PTPRB: variants seen among roughly 807,000 people sequenced by gnomAD.
PTPRB encodes receptor-type tyrosine-protein phosphatase beta.
In PTPRB, 97 loss-of-function variants were observed where a neutral mutation model predicts 238.1. The observed-to-expected ratio is 0.41, with a 90% CI of 0.35 to 0.48. PTPRB has a LOEUF of 0.48. Ranked by LOEUF, PTPRB falls within the 20% of genes least tolerant of loss-of-function variation. The probability of loss-of-function intolerance (pLI) is 0.30; values close to 1 mark genes in which losing one functional copy is unlikely to be tolerated. For missense variants in PTPRB, 2,292 were observed against 2,681.9 expected, an observed-to-expected ratio of 0.85 and a Z score of 3.21; for synonymous variants, 970 against 995.4, an observed-to-expected ratio of 0.97 and a Z score of 0.48.
chr12:70,585,048 C>A (rs1241494810), intron 9 of PTPRB: 1 of 151,114 alleles, frequency 6.6e-6, no homozygotes, highest in Non-Finnish European at 1.5e-5. Flanking sequence ...GCAACCTCCA[C>A]CTCCTGGGTT....
intron 3 of PTPRB, among the ~76,000 whole-genome samples, chr12:70,610,809 A>C (rs1174362615): frequency 1.3e-5 from 2 of 152,098 alleles, no homozygotes; most frequent in African/African-American, 4.8e-5. Flanking sequence ...TTTCATCCCT[A>C]ATTGTCCAGC....
rs960479676 is a variant in PTPRB at position 70,622,595 on chromosome 12, G to T, written c.503C>A (p.Pro168His). ...TGCATTAAAGGTAGTGAGAATCTGG[G>T]GTGGAGCCGTGTTTCTAGTGCTCCT... The part of the protein sequence containing the change: ...SVRSTRNTAP[P>H]QILTTFNAVP... Residue 168 changes from proline to histidine, a missense_variant, in exon 3 of 34, where the codon CCC (proline) becomes CAC (histidine). Transcript: ENST00000334414. 1.3e-6 allele frequency: 2 copies of T among 1,589,610 alleles called. No homozygotes were observed. Among genetic ancestry groups the T allele is most frequent in the African/African-American group, 2.7e-5 (2 of 74,502 alleles).
At chr12:70,541,202 G>T in intron 22 of PTPRB, 1 of 369,298 alleles carries the variant, frequency 2.7e-6, no homozygotes, top group Non-Finnish European at 4.9e-6. Flanking sequence ...AGTTAATGTT[G>T]CATAGCTTAT....
At chr12:70,564,911 G>A (rs1000295905) in intron 15 of PTPRB, among the ~76,000 whole-genome samples, 1 of 150,226 alleles carries the variant, frequency 6.7e-6, no homozygotes, top group Non-Finnish European at 1.5e-5. Context: ...AAAATTGTAA[G>A]CCCCAACTCT....
At chr12:70,581,448 G>A in intron 9 of PTPRB, 146 bp from the exon 10 acceptor site, 1 of 878,248 alleles carries the variant, frequency 1.1e-6, no homozygotes, top group Non-Finnish European at 1.7e-6. Context: ...TCTATTTCCT[G>A]TGGCATATGG....
chr12:70,524,747 T>C (rs1872087903), intron 32 of PTPRB, among the ~76,000 whole-genome samples, 156 bp from the exon 33 acceptor site: 1 of 152,152 alleles, frequency 6.6e-6, no homozygotes, highest in East Asian at 1.9e-4. Flanking sequence ...AGAGTGACTG[T>C]CTTTTATTAC....
chr12:70,604,289 T>C (rs1883764544), intron 4 of PTPRB, among the ~76,000 whole-genome samples: 1 of 152,014 alleles, frequency 6.6e-6, no homozygotes, highest in African/African-American at 2.4e-5. Flanking sequence ...ACAAAACAAA[T>C]ACTAGAGTAC....
chr12:70,517,781 T>A lies in PTPRB; in HGVS notation c.*3708A>T, dbSNP rs1207192134. 1 of 152,212 alleles carries A rather than the reference T, an allele frequency of 6.6e-6. No individual in the cohort carries two copies. Among genetic ancestry groups the A allele is most frequent in the Non-Finnish European group, 1.5e-5 (1 of 68,038 alleles). 9.4% of individuals were successfully genotyped at this position (152,212 alleles called of 1,614,324 possible). The stretch of plus-strand genomic sequence containing the variant: ...CGTCTCAGAGTTTGGGCTCAGATAC[T>A]ACCACTGCTGTTGTGCAGATCTGGT... On this transcript the variant is annotated 3_prime_UTR_variant, in exon 34 of 34. Coordinates refer to ENST00000334414, the MANE Select transcript of PTPRB (RefSeq NM_001109754.4).
At chr12:70,532,384 A>C (rs1592400418) in intron 31 of PTPRB, among the ~76,000 whole-genome samples, 3 of 88,704 alleles carry the variant, frequency 3.4e-5, no homozygotes, top group Admixed American at 1.7e-4. Context: ...TCCCTCCTCC[A>C]CTCTACCAGG....
At position 70,539,942 on chromosome 12, in the gene PTPRB, T is replaced by C; in HGVS notation, c.5675A>G (p.Lys1892Arg). ...PLSVHLNLGQ[K>R]GNRKTSCPIK... ...CGAAGGCAAATGTGGTGCTTACCCT[T>C]TCTGGCCCAGGTTTAAGTGGACAGA... Residue 1892 changes from lysine to arginine, a missense_variant, in exon 24 of 34, where the codon AAA becomes AGA. Physicochemically the swap from Lys to Arg is conservative, Grantham distance 26. This residue lies in a region of PTPRB where 397 missense variants were observed against 502.0 expected (regional missense o/e 0.79). Transcript: ENST00000334414. 1 of 1,608,470 alleles carries C rather than the reference T, an allele frequency of 6.2e-7. No homozygotes were observed. The highest frequency in any genetic ancestry group is 8.5e-7 in the Non-Finnish European group (1 of 1,174,868).
intron 6 of PTPRB, among the ~76,000 whole-genome samples, chr12:70,593,081 TA>T (rs1221766258): frequency 6.6e-6 from 1 of 152,262 alleles, no homozygotes; most frequent in Non-Finnish European, 1.5e-5. Flanking sequence ...TTTTATGTGA[TA>T]AAACTACTTT....
At chr12:70,591,133 C>T (rs576271060) in intron 7 of PTPRB, among the ~76,000 whole-genome samples, 1 of 148,250 alleles carries the variant, frequency 6.7e-6, no homozygotes, top group Admixed American at 6.8e-5. Flanking sequence ...GACGAGGTCT[C>T]ATTATGTTGC....
At position 70,590,147 on chromosome 12, in the gene PTPRB, A is replaced by G; in HGVS notation, c.1867T>C (p.Trp623Arg). The G allele has an allele frequency of 6.2e-7, 1 of 1,613,558 alleles. No individual in the cohort carries two copies. The highest frequency in any genetic ancestry group is 8.5e-7 in the Non-Finnish European group (1 of 1,179,676). Residue 623 changes from tryptophan (W) to arginine (R), a missense_variant, in exon 8 of 34, where the codon TGG becomes CGG. This residue lies in a region of PTPRB where 1,205 missense variants were observed against 1,287.8 expected (regional missense o/e 0.94). Coordinates refer to ENST00000334414, the MANE Select transcript of PTPRB (RefSeq NM_001109754.4). ...VVSWSPPAGD[W>R]EQYRILLFND... ...AAGAGTAGGATCCGATACTGCTCCC[A>G]GTCTCCAGCAGGGGGCGACCAGCTC...
intron 21 of PTPRB, among the ~76,000 whole-genome samples, chr12:70,552,017 G>T (rs2136296788): frequency 6.6e-6 from 1 of 152,288 alleles, no homozygotes; most frequent in East Asian, 1.9e-4. Flanking sequence ...CTGGAGCAAA[G>T]AGCGCTTCCA....
At chr12:70,636,158 A>G (rs1885680124) in intron 1 of PTPRB, 92 bp from the exon 2 acceptor site, 18 of 1,224,724 alleles carry the variant, frequency 1.5e-5, no homozygotes, top group Non-Finnish European at 2.0e-5. Context: ...GCTAAATAAA[A>G]TCACTAGTTT....
At chr12:70,598,538 T>TGTA (rs1375572932) in intron 4 of PTPRB, among the ~76,000 whole-genome samples, 1 of 147,834 alleles carries the variant, frequency 6.8e-6, no homozygotes, top group Non-Finnish European at 1.5e-5. Flanking sequence ...ATCTGGGGAG[T>TGTA]ATAATAATAA....
Position 70,563,048 on chromosome 12 carries a change from G to A in PTPRB, c.3964C>T (p.Arg1322Cys), listed in dbSNP as rs370011504. The change falls in exon 16 of 34, where the codon CGC becomes TGC. Residue 1322 changes from arginine (R) to cysteine (C), a missense_variant. Arg to Cys is a radical substitution (Grantham distance 180). This residue lies in a region of PTPRB where 683 missense variants were observed against 862.0 expected (regional missense o/e 0.79). Transcript: ENST00000334414. The part of the protein sequence containing the change: ...TENSTRHLSF[R>C]WTASEGELSW... The stretch of plus-strand genomic sequence containing the variant: ...AGCTCCCCCTCTGAGGCGGTCCAGC[G>A]GAAGGACAGGTGCCTGGTGGAGTTC... 7.5e-5 allele frequency: 121 copies of A among 1,613,768 alleles called. No homozygotes were observed. Among genetic ancestry groups the A allele is most frequent in the African/African-American group, 6.5e-4 (49 of 75,016 alleles).
In PTPRB at chr12:70,552,962, C is replaced by G. The variant is rs1451524357; in HGVS notation, c.5202G>C (p.Arg1734Ser). ...QHPLPSYLEY[R>S]HNASIRVYQT... is the part of the protein sequence containing the mutation. Reference sequence around the variant, plus strand: ...GATACACCCGAATGGAGGCATTGTGCCTGTACTCCAGGTAGGAAGGGAGAG... The same window carrying G: ...GATACACCCGAATGGAGGCATTGTGGCTGTACTCCAGGTAGGAAGGGAGAG... Residue 1734 changes from arginine to serine, a missense_variant, in exon 21 of 34, where the codon AGG (arginine) becomes AGC (serine). Arg to Ser is a moderately radical substitution (Grantham distance 110). This residue lies in a region of PTPRB where 683 missense variants were observed against 862.0 expected (regional missense o/e 0.79). Transcript: ENST00000334414. 1 of 1,613,756 alleles carries G rather than the reference C, an allele frequency of 6.2e-7. No individual in the cohort carries two copies. The highest frequency in any genetic ancestry group is 1.7e-5 in the Admixed American group (1 of 59,994).
At chr12:70,570,930 T>C in intron 13 of PTPRB, 96 bp downstream of exon 13, 1 of 1,356,830 alleles carries the variant, frequency 7.4e-7, no homozygotes, top group Non-Finnish European at 1.0e-6. Flanking sequence ...TGTCTCCCTT[T>C]TATCCCTCCA....
Sources: gnomAD v4.1 joint callset for allele counts (sites outside exome capture counted in the v4.1 genomes callset) on GRCh38, gnomAD v4.1.1 for gene constraint, gnomAD v4.1.1 regional missense constraint, MANE v1.5 for transcripts, NCBI Gene and HGNC (gene_info 2026-07-23, HGNC 2026-07-21) for gene names.